Variants in PRKCH observed in about 807,000 individuals in gnomAD.
PRKCH encodes protein kinase C eta, also known as protein kinase C eta type.
PRKCH carries 28 observed loss-of-function variants against 82.5 expected under a neutral mutation model. The ratio of observed to expected loss-of-function variants is 0.34; its 90% CI spans 0.25 to 0.47. PRKCH has a LOEUF of 0.47. PRKCH is among the 20% of genes least tolerant of loss of function. The probability of loss-of-function intolerance (pLI) is 1.00; values close to 1 mark genes in which losing one functional copy is unlikely to be tolerated. For synonymous variants in PRKCH, 322 were observed against 327.4 expected (o/e 0.98, Z 0.18); for missense variants, 705 against 881.8 (o/e 0.80, Z 2.54).
intron 9 of PRKCH, among the ~76,000 whole-genome samples, chr14:61,474,005 A>AT (rs1555391134): frequency 3.9e-5 from 6 of 152,136 alleles, no homozygotes; most frequent in African/African-American, 1.4e-4. Context: ...AAAAAAAAAA[A>AT]AATCAAAAAT....
chr14:61,216,548 CAGA>C (rs540920611), intron 1 of PRKCH, among the ~76,000 whole-genome samples: 1 of 152,214 alleles, frequency 6.6e-6, no homozygotes, highest in East Asian at 1.9e-4. Context: ...CAGCTGTGGA[CAGA>C]AGGACAGAGA....
At chr14:61,251,081 T>A (rs1017334436) in intron 1 of PRKCH, among the ~76,000 whole-genome samples, 5 of 152,330 alleles carry the variant, frequency 3.3e-5, no homozygotes, top group Non-Finnish European at 7.3e-5. Flanking sequence ...ATATATTTTG[T>A]GGGTACATAG....
chr14:61,257,422 A>G (rs749832876), intron 1 of PRKCH, among the ~76,000 whole-genome samples: 1 of 152,182 alleles, frequency 6.6e-6, no homozygotes, highest in Non-Finnish European at 1.5e-5. Context: ...TATAAATTGG[A>G]CTTAGAGACC....
intron 2 of PRKCH, among the ~76,000 whole-genome samples, chr14:61,404,173 T>C (rs532167251): frequency 6.6e-6 from 1 of 152,316 alleles, no homozygotes; most frequent in Admixed American, 6.5e-5. Flanking sequence ...CATTCTTTCA[T>C]CCTGATGGCT....
rs56406998 is a variant in PRKCH, at chr14:61,352,689, GGAAAGAAAGAAAGAAA to G, written c.363+30264_363+30279del. ...GAGAGAGAGAGAGAGAGAAAGGAAAGGAAAGAAAGAAAGAAAGAAAGAAAGAAAGAAAGAAAGAAAG... is the reference window on the plus strand; with the variant it reads ...GAGAGAGAGAGAGAGAGAAAGGAAAGGAAAGAAAGAAAGAAAGAAAGAAAG... On this transcript the variant is annotated intron_variant, in intron 1 of 13. Transcript: ENST00000332981. Among the ~76,000 whole-genome samples, 1,078 of 126,542 alleles carry G rather than the reference GGAAAGAAAGAAAGAAA, an allele frequency of 8.5e-3. 3 individuals carry two copies. The highest frequency in any genetic ancestry group is 0.022 in the South Asian group (81 of 3,616). 83.0% of individuals were successfully genotyped at this position (126,542 alleles called of 152,430 possible).
chr14:61,438,519 T>C (rs1883787787), intron 2 of PRKCH, among the ~76,000 whole-genome samples: 1 of 152,242 alleles, frequency 6.6e-6, no homozygotes. Context: ...CTTTCAAATA[T>C]ATATTTCTGC....
At chr14:61,363,882 G>T (rs991186120) in intron 1 of PRKCH, among the ~76,000 whole-genome samples, 4 of 150,986 alleles carry the variant, frequency 2.6e-5, no homozygotes, top group Admixed American at 6.6e-5. Context: ...CAGAAGCTGG[G>T]GCAGGGGACA....
At chr14:61,469,305 C>T (rs1398102182) in intron 9 of PRKCH, among the ~76,000 whole-genome samples, 1 of 152,176 alleles carries the variant, frequency 6.6e-6, no homozygotes, top group Non-Finnish European at 1.5e-5. Flanking sequence ...GAAAAGTGTA[C>T]AGTAGATAGC....
chr14:61,262,559 C>T (rs2045058839), intron 1 of PRKCH, among the ~76,000 whole-genome samples: 1 of 152,028 alleles, frequency 6.6e-6, no homozygotes, highest in Admixed American at 6.6e-5. Flanking sequence ...TGGGAAGGGG[C>T]ACAAAGAAAC....
chr14:61,217,760 G>A (rs1020571785), intron 1 of PRKCH, among the ~76,000 whole-genome samples: 4 of 152,210 alleles, frequency 2.6e-5, no homozygotes, highest in African/African-American at 9.6e-5. Context: ...GTGATACACA[G>A]ATGTGCACTC....
chr14:61,371,194 G>C (rs938652145), intron 1 of PRKCH, among the ~76,000 whole-genome samples: 13 of 152,034 alleles, frequency 8.6e-5, no homozygotes, highest in African/African-American at 3.1e-4. Context: ...TAGTATTACA[G>C]AGAAACTGTG....
At chr14:61,337,744 G>A (rs2045878406) in intron 1 of PRKCH, among the ~76,000 whole-genome samples, 1 of 152,176 alleles carries the variant, frequency 6.6e-6, no homozygotes, top group Admixed American at 6.5e-5. Flanking sequence ...TCATTTGAAG[G>A]TGATCATTTC....
chr14:61,536,838 G>A (rs766211065), intron 12 of PRKCH, among the ~76,000 whole-genome samples: 2 of 152,098 alleles, frequency 1.3e-5, no homozygotes, highest in South Asian at 2.1e-4. Context: ...GGCCCTCCCT[G>A]TCATCACCTT....
rs150203167 is a variant in PRKCH at position 61,407,151 on chromosome 14, G to A, written c.427+15863G>A. On this transcript the variant is annotated intron_variant, in intron 2 of 13. Coordinates refer to ENST00000332981, the MANE Select transcript of PRKCH (RefSeq NM_006255.5). ...TAGAGTAGGGACTGATTTAAAAGTG[G>A]TCATTCTGTTCATCAGAGACTATTC... 3.4e-3 allele frequency among the ~76,000 whole-genome samples: 521 copies of A among 152,256 alleles called. 7 individuals carry two copies. The highest frequency in any genetic ancestry group is 0.012 in the African/African-American group (503 of 41,546).
At chr14:61,231,548 A>G (rs2044743954) in intron 1 of PRKCH, among the ~76,000 whole-genome samples, 1 of 151,694 alleles carries the variant, frequency 6.6e-6, no homozygotes. Flanking sequence ...TTGTTTTTGT[A>G]TTTTTAGTAG....
intron 2 of PRKCH, among the ~76,000 whole-genome samples, chr14:61,418,409 G>A (rs1191747358): frequency 6.6e-6 from 1 of 152,222 alleles, no homozygotes; most frequent in Non-Finnish European, 1.5e-5. Flanking sequence ...AATGATTAAT[G>A]CACAGAGGAT....
intron 2 of PRKCH, among the ~76,000 whole-genome samples, chr14:61,410,911 C>T (rs556995932): frequency 6.6e-6 from 1 of 152,296 alleles, no homozygotes; most frequent in East Asian, 1.9e-4. Context: ...GCTCATGAAG[C>T]CTGTCAGGAA....
intron 1 of PRKCH, among the ~76,000 whole-genome samples, chr14:61,384,386 A>T (rs2046555788): frequency 6.6e-6 from 1 of 151,986 alleles, no homozygotes; most frequent in South Asian, 2.1e-4. Context: ...AGATGCCTAG[A>T]CCCCGTTCCC....
intron 1 of PRKCH, among the ~76,000 whole-genome samples, chr14:61,195,918 G>C (rs2044438628): frequency 6.6e-6 from 1 of 152,172 alleles, no homozygotes; most frequent in African/African-American, 2.4e-5. Flanking sequence ...CTGGGGGTTA[G>C]GGCTTCGGCA....
Sources: gnomAD v4.1 joint callset for allele counts (sites outside exome capture counted in the v4.1 genomes callset) on GRCh38, gnomAD v4.1.1 for gene constraint, MANE v1.5 for transcripts, NCBI Gene and HGNC (gene_info 2026-07-23, HGNC 2026-07-21) for gene names.